TENM4: variants seen among roughly 807,000 people sequenced by gnomAD.
TENM4 encodes teneurin-4.
A neutral mutation model predicts 243.3 loss-of-function variants in TENM4; 82 were observed. That is an observed-to-expected ratio of 0.34 (90% CI 0.28 to 0.40). The LOEUF (loss-of-function observed/expected upper bound fraction) is 0.40. Among genes scored for constraint, TENM4 ranks in the 10% least tolerant of loss-of-function variants. TENM4 has a pLI of 1.00. For synonymous variants in TENM4, 1,412 were observed against 1,456.3 expected (o/e 0.97, Z 0.69); for missense variants, 3,138 against 3,673.3 (o/e 0.85, Z 3.77).
chr11:79,239,421 T>C (rs1864546569), intron 2 of TENM4, among the ~76,000 whole-genome samples: 1 of 152,186 alleles, frequency 6.6e-6, no homozygotes, highest in South Asian at 2.1e-4. Context: ...AAGTATCTTG[T>C]GAGGCAGGTG....
chr11:79,158,846 G>A (rs1206713111), intron 3 of TENM4, among the ~76,000 whole-genome samples: 3 of 152,172 alleles, frequency 2.0e-5, no homozygotes, highest in Non-Finnish European at 2.9e-5. Flanking sequence ...ACCAGCCACT[G>A]AGGAAGCTGC....
intron 6 of TENM4, among the ~76,000 whole-genome samples, chr11:79,012,846 C>T (rs1219693512): frequency 6.6e-6 from 1 of 152,198 alleles, no homozygotes; most frequent in African/African-American, 2.4e-5. Flanking sequence ...TGCACTCCAT[C>T]TCACAGAACT....
intron 6 of TENM4, among the ~76,000 whole-genome samples, chr11:78,934,917 G>A (rs1196541971): frequency 6.6e-6 from 1 of 151,834 alleles, no homozygotes; most frequent in Non-Finnish European, 1.5e-5. Context: ...TATGCAGGAG[G>A]GGGTTGTGTT....
At chr11:78,937,119 C>T (rs1011887933) in intron 6 of TENM4, among the ~76,000 whole-genome samples, 2 of 152,042 alleles carry the variant, frequency 1.3e-5, no homozygotes, top group Non-Finnish European at 2.9e-5. Flanking sequence ...TGTTAACAAA[C>T]CCACAGAAGA....
At chr11:79,270,354 C>A (rs531459061) in intron 2 of TENM4, among the ~76,000 whole-genome samples, 10 of 152,244 alleles carry the variant, frequency 6.6e-5, no homozygotes, top group African/African-American at 2.4e-4. Flanking sequence ...TGCCTCTAGT[C>A]CCACAACCTA....
intron 3 of TENM4, among the ~76,000 whole-genome samples, chr11:79,204,424 G>C (rs1863807786): frequency 6.6e-6 from 1 of 152,010 alleles, no homozygotes; most frequent in Non-Finnish European, 1.5e-5. Flanking sequence ...CCCTACTATG[G>C]CCTGGGCACC....
intron 1 of TENM4, among the ~76,000 whole-genome samples, chr11:79,345,766 G>A (rs61249488): frequency 0.023 from 3,469 of 152,200 alleles, 140 homozygotes; most frequent in African/African-American, 0.077. Context: ...TAAATTATCT[G>A]TTATTATACC....
intron 1 of TENM4, among the ~76,000 whole-genome samples, chr11:79,406,386 C>A (rs1490871143): frequency 2.0e-5 from 3 of 152,100 alleles, no homozygotes; most frequent in Non-Finnish European, 4.4e-5. Context: ...ATATGATGAA[C>A]AAAACAAGGT....
At chr11:79,132,262 C>A (rs190754398) in intron 4 of TENM4, among the ~76,000 whole-genome samples, 1 of 140,154 alleles carries the variant, frequency 7.1e-6, no homozygotes, top group African/African-American at 2.6e-5. Flanking sequence ...AGGAGAATAG[C>A]GTGAACCTGG....
At chr11:79,173,770 G>A (rs1863100888) in intron 3 of TENM4, among the ~76,000 whole-genome samples, 1 of 152,164 alleles carries the variant, frequency 6.6e-6, no homozygotes, top group Non-Finnish European at 1.5e-5. Flanking sequence ...AGAAGTGAAA[G>A]CTGTAATAGT....
At chr11:78,779,476 G>A (rs569025885) in intron 16 of TENM4, among the ~76,000 whole-genome samples, 1 of 152,348 alleles carries the variant, frequency 6.6e-6, no homozygotes, top group Admixed American at 6.5e-5. Context: ...ATTTGAGGAT[G>A]AGCATCAAAG....
intron 3 of TENM4, among the ~76,000 whole-genome samples, chr11:79,189,128 A>G (rs1863431426): frequency 6.6e-6 from 1 of 152,240 alleles, no homozygotes; most frequent in Non-Finnish European, 1.5e-5. Flanking sequence ...AAACACAGAT[A>G]TGGTATGGCA....
intron 4 of TENM4, among the ~76,000 whole-genome samples, chr11:79,127,333 A>T (rs1213620224): frequency 1.3e-5 from 2 of 151,248 alleles, no homozygotes; most frequent in Non-Finnish European, 3.0e-5. Context: ...TTCCTGTTCA[A>T]CTCTCTCATT....
At chr11:78,822,404 T>C (rs1178366597) in intron 12 of TENM4, among the ~76,000 whole-genome samples, 6 of 152,238 alleles carry the variant, frequency 3.9e-5, no homozygotes, top group Non-Finnish European at 1.5e-5. Context: ...GTGAAGTGGA[T>C]GGCTTTAGTG....
intron 1 of TENM4, among the ~76,000 whole-genome samples, chr11:79,400,227 G>GTGA (rs979905521): frequency 2.0e-5 from 3 of 151,936 alleles, no homozygotes; most frequent in African/African-American, 7.2e-5. Flanking sequence ...ATCCTGTTGG[G>GTGA]TGATATTCAA....
At chr11:79,125,545 C>T (rs1022930090) in intron 4 of TENM4, among the ~76,000 whole-genome samples, 1 of 152,106 alleles carries the variant, frequency 6.6e-6, no homozygotes, top group African/African-American at 2.4e-5. Flanking sequence ...AAGAATGGGA[C>T]CCTGCAACTT....
At position 78,814,279 on chromosome 11, in the gene TENM4, A is replaced by T. The variant is rs1395969238; in HGVS notation, c.1783+15T>A. 1 of 1,548,382 alleles carries T rather than the reference A, an allele frequency of 6.5e-7. No individual in the cohort carries two copies. The highest frequency in any genetic ancestry group is 2.0e-5 in the Admixed American group (1 of 50,740). On this transcript the variant is annotated intron_variant, in intron 13 of 33. Coordinates refer to ENST00000278550, the MANE Select transcript of TENM4 (RefSeq NM_001098816.3). ...TGGGAAGCAGAAATCCAGAGCTCCA[A>T]TGCAGAGTTCTCACCTCTGCCACAG...
At chr11:79,388,380 A>C (rs554793621) in intron 1 of TENM4, among the ~76,000 whole-genome samples, 2 of 152,356 alleles carry the variant, frequency 1.3e-5, no homozygotes, top group East Asian at 1.9e-4. Context: ...ACAAAAAACC[A>C]AAAAATTCAA....
chr11:78,843,518 T>C (rs1034721285), intron 12 of TENM4, among the ~76,000 whole-genome samples: 1 of 151,984 alleles, frequency 6.6e-6, no homozygotes, highest in Non-Finnish European at 1.5e-5. Context: ...AAATAGTTTA[T>C]GTTAAATATC....
Sources: allele counts gnomAD v4.1 joint callset (sites outside exome capture counted in the v4.1 genomes callset), GRCh38; gene constraint gnomAD v4.1.1; transcripts MANE v1.5; gene names NCBI Gene and HGNC (gene_info 2026-07-23, HGNC 2026-07-21).